The following SSH1 variants were observed in gnomAD, a reference collection of about 807,000 sequenced individuals.
SSH1 encodes the protein slingshot protein phosphatase 1.
Under a neutral mutation model 79.7 loss-of-function variants are expected in SSH1, and 43 were observed. The ratio of observed to expected loss-of-function variants is 0.54; its 90% CI spans 0.42 to 0.70. The LOEUF (loss-of-function observed/expected upper bound fraction) is 0.70, where lower values mean the gene tolerates loss of function less well. SSH1 is among the 30% of genes least tolerant of loss of function. SSH1 has a pLI of 0.00. For synonymous variants in SSH1, 599 were observed against 538.3 expected (o/e 1.11, Z -1.56); for missense variants, 1,206 against 1,358.8 (o/e 0.89, Z 1.77).
At chr12:108,853,657 CTCACACCTGGA>C in intron 1 of SSH1, among the ~76,000 whole-genome samples, 1 of 152,276 alleles carries the variant, frequency 6.6e-6, no homozygotes, top group East Asian at 1.9e-4. Context: ...GGCGCAGTGG[CTCACACCTGGA>C]ATCCCAGCAC....
intron 5 of SSH1, among the ~76,000 whole-genome samples, chr12:108,812,893 T>C (rs1195374937): frequency 2.0e-5 from 3 of 150,796 alleles, no homozygotes; most frequent in Non-Finnish European, 4.4e-5. Flanking sequence ...GCCAGAGTCT[T>C]GCTCCGTTGC....
At chr12:108,841,521 T>C (rs962829081) in intron 2 of SSH1, among the ~76,000 whole-genome samples, 11 of 152,196 alleles carry the variant, frequency 7.2e-5, no homozygotes, top group African/African-American at 1.2e-4. Flanking sequence ...AAAAAAAATA[T>C]ATAGGGCCGG....
At chr12:108,817,320 T>G in intron 4 of SSH1, 161 bp from the exon 5 acceptor site, 2 of 1,042,038 alleles carry the variant, frequency 1.9e-6, no homozygotes, top group Non-Finnish European at 2.8e-6. Flanking sequence ...AGGCCTGTAA[T>G]CCCAGCACTT....
intron 10 of SSH1, among the ~76,000 whole-genome samples, chr12:108,803,186 T>C (rs555963813): frequency 6.6e-6 from 1 of 152,222 alleles, no homozygotes; most frequent in East Asian, 1.9e-4. Context: ...GGAAAATAAA[T>C]ATGCCAAAAT....
chr12:108,817,873 G>A (rs892667045), intron 4 of SSH1, among the ~76,000 whole-genome samples: 4 of 152,098 alleles, frequency 2.6e-5, no homozygotes, highest in East Asian at 3.9e-4. Context: ...TATCATTCAC[G>A]AATGGTTCCC....
chr12:108,796,575 G>A (rs1361465519), intron 13 of SSH1, among the ~76,000 whole-genome samples: 3 of 152,070 alleles, frequency 2.0e-5, no homozygotes, highest in African/African-American at 4.8e-5. Flanking sequence ...AATATGTCAC[G>A]TTTTGTTTGT....
chr12:108,848,359 TATTA>T (rs1205830336), intron 2 of SSH1, among the ~76,000 whole-genome samples: 1 of 152,098 alleles, frequency 6.6e-6, no homozygotes, highest in Non-Finnish European at 1.5e-5. Context: ...AAGATGAAAC[TATTA>T]ATTAAGGCTA....
chr12:108,827,495 G>A (rs1401421182), intron 2 of SSH1: 25 of 1,293,842 alleles, frequency 1.9e-5, no homozygotes, highest in Admixed American at 1.1e-4. Flanking sequence ...AGTCCTACCC[G>A]AAAAGCAAAT....
chr12:108,821,081 T>C (rs142355171), intron 3 of SSH1, among the ~76,000 whole-genome samples: 17 of 152,310 alleles, frequency 1.1e-4, no homozygotes, highest in South Asian at 2.1e-4. Flanking sequence ...ATTAGCAAAT[T>C]CAAGAACGAA....
intron 14 of SSH1, among the ~76,000 whole-genome samples, chr12:108,790,894 C>A (rs924808026): frequency 6.6e-6 from 1 of 152,154 alleles, no homozygotes; most frequent in African/African-American, 2.4e-5. Flanking sequence ...CACGGCCACC[C>A]TTCCACTGAA....
At chr12:108,791,983 C>T in intron 14 of SSH1, 1 of 1,314,064 alleles carries the variant, frequency 7.6e-7, no homozygotes, top group Non-Finnish European at 9.7e-7. Context: ...AGTTGGAAGC[C>T]CTGCCCAGGG....
intron 2 of SSH1, among the ~76,000 whole-genome samples, chr12:108,841,842 G>A (rs1223358626): frequency 3.4e-5 from 5 of 147,278 alleles, no homozygotes; most frequent in Non-Finnish European, 7.6e-5. Flanking sequence ...GTGTGTGTGT[G>A]TATATATATA....
intron 2 of SSH1, among the ~76,000 whole-genome samples, chr12:108,842,365 C>T (rs1269388767): frequency 6.6e-6 from 1 of 152,214 alleles, no homozygotes; most frequent in Non-Finnish European, 1.5e-5. Flanking sequence ...TGAATCACAG[C>T]AGCCTGCATT....
chr12:108,811,692 A>C lies in SSH1; in HGVS notation c.402-364T>G, dbSNP rs7314329. The C allele has an allele frequency of 1.4e-5, 5 of 364,358 alleles. No homozygotes were observed. The East Asian group carries it at 2.6e-4, about 19-fold the overall frequency. The allele number at this position is 364,358 out of a possible 1,614,324, so 22.6% of individuals were successfully genotyped here. A position where few individuals can be genotyped will look rare whatever the true frequency, so the allele number is the denominator to read the frequency against. Reference sequence around the variant, plus strand: ...GGCCTGGCCTGTCCTGGGTGGCGGCAGGGGGAGCGTGCTCACACCGTTCCC... The same window carrying C: ...GGCCTGGCCTGTCCTGGGTGGCGGCCGGGGGAGCGTGCTCACACCGTTCCC... On this transcript the variant is annotated intron_variant, in intron 5 of 14. Transcript: ENST00000326495.
intron 3 of SSH1, among the ~76,000 whole-genome samples, chr12:108,822,514 C>T (rs2038161324): frequency 6.6e-6 from 1 of 150,946 alleles, no homozygotes; most frequent in South Asian, 2.1e-4. Flanking sequence ...TGGCGTGATC[C>T]TAGCTTGCTG....
chr12:108,857,527 C>T lies in SSH1; in HGVS notation c.-31G>A, dbSNP rs996225260. 9.9e-6 allele frequency: 11 copies of T among 1,107,842 alleles called. No homozygotes were observed. Among genetic ancestry groups the T allele is most frequent in the African/African-American group, 1.7e-5 (1 of 59,292 alleles). 68.6% of individuals were successfully genotyped at this position (1,107,842 alleles called of 1,614,324 possible). A position where few individuals can be genotyped will look rare whatever the true frequency, so the allele number is the denominator to read the frequency against. On this transcript the variant is annotated 5_prime_UTR_variant, in exon 1 of 15. Transcript: ENST00000326495. The surrounding 1 kb of genome is among the most constrained non-coding windows in gnomAD (Gnocchi z 4.7). ...CGGCGCGGTGCGAGGGCGCCACAGACGTCTCGAGCTAGAGCCGCCACCGCC... is the reference window on the plus strand; with the variant it reads ...CGGCGCGGTGCGAGGGCGCCACAGATGTCTCGAGCTAGAGCCGCCACCGCC...
chr12:108,842,079 T>G (rs1377989967), intron 2 of SSH1, among the ~76,000 whole-genome samples: 1 of 151,890 alleles, frequency 6.6e-6, no homozygotes, highest in Non-Finnish European at 1.5e-5. Context: ...CAGTGAGCTG[T>G]AATCATGCCA....
At chr12:108,806,044 T>C (rs1438438317) in intron 9 of SSH1, among the ~76,000 whole-genome samples, 2 of 152,104 alleles carry the variant, frequency 1.3e-5, no homozygotes, top group East Asian at 1.9e-4. Context: ...AAAGGCCATA[T>C]AGGTGAGGCT....
chr12:108,789,139 G>A lies in SSH1; in HGVS notation c.1999C>T (p.Arg667Ter), dbSNP rs753174548. Residue 667 changes from arginine (R) to a stop codon, truncating the protein, a stop_gained, in exon 15 of 15, where the codon CGA becomes TGA. Coordinates refer to ENST00000326495, the MANE Select transcript of SSH1 (RefSeq NM_018984.4). LOFTEE classifies it low-confidence loss of function (END_TRUNC). ...ASGAPEASRE[R>*]CEDPNAPAIC... ...GCGGGAGCATTGGGGTCCTCACATC[G>A]CTCCCTGGAGGCCTCAGGAGCCCCG... 1.9e-6 allele frequency: 3 copies of A among 1,613,456 alleles called. No homozygotes were observed. The highest frequency in any genetic ancestry group is 2.5e-6 in the Non-Finnish European group (3 of 1,179,698).
Sources: allele counts gnomAD v4.1 joint callset (sites outside exome capture counted in the v4.1 genomes callset), GRCh38; gene constraint gnomAD v4.1.1; non-coding constraint Gnocchi (gnomAD v3.1); transcripts MANE v1.5; gene names NCBI Gene and HGNC (gene_info 2026-07-23, HGNC 2026-07-21).